Variants in COBLL1 observed in about 807,000 individuals in gnomAD.
COBLL1 encodes the protein cordon-bleu WH2 repeat protein like 1.
Under a neutral mutation model 94.8 loss-of-function variants are expected in COBLL1, and 50 were observed. The observed-to-expected ratio is 0.53, with a 90% CI of 0.42 to 0.67. COBLL1 has a LOEUF of 0.67. Among genes scored for constraint, COBLL1 ranks in the 30% least tolerant of loss-of-function variants. COBLL1 has a pLI of 0.00. For missense variants in COBLL1, 1,362 were observed against 1,348.7 expected, an observed-to-expected ratio of 1.01 and a Z score of -0.15; for synonymous variants, 448 against 473.8, an observed-to-expected ratio of 0.95 and a Z score of 0.71.
intron 3 of COBLL1, among the ~76,000 whole-genome samples, chr2:164,731,753 A>C (rs1014041894): frequency 6.6e-6 from 1 of 152,214 alleles, no homozygotes; most frequent in Non-Finnish European, 1.5e-5. Flanking sequence ...TAGAGATATA[A>C]ACCTGGTTAC....
chr2:164,784,590 T>A (rs916248278), intron 2 of COBLL1, among the ~76,000 whole-genome samples: 2 of 152,048 alleles, frequency 1.3e-5, no homozygotes, highest in Admixed American at 6.6e-5. Flanking sequence ...AATGTGAATT[T>A]CCCTAAGAAG....
chr2:164,750,444 T>C (rs427059), intron 2 of COBLL1, among the ~76,000 whole-genome samples: 16,211 of 152,202 alleles, frequency 0.11, 910 homozygotes, highest in Middle Eastern at 0.16. Context: ...ATCTAAACTC[T>C]AAAACATATC....
intron 7 of COBLL1, among the ~76,000 whole-genome samples, chr2:164,720,544 GC>G (rs1685392261): frequency 6.6e-6 from 1 of 152,058 alleles, no homozygotes; most frequent in African/African-American, 2.4e-5. Context: ...CAAAAAGGTA[GC>G]TACTCAAGAG....
At chr2:164,666,578 A>G (rs1206220006) in intron 1 of COBLL1, among the ~76,000 whole-genome samples, 1 of 151,772 alleles carries the variant, frequency 6.6e-6, no homozygotes, top group African/African-American at 2.4e-5. Flanking sequence ...TGTAGCATGC[A>G]ATGCTGTTTG....
chr2:164,765,431 TGA>T (rs1248398409), intron 2 of COBLL1, among the ~76,000 whole-genome samples: 1 of 152,120 alleles, frequency 6.6e-6, no homozygotes, highest in Non-Finnish European at 1.5e-5. Flanking sequence ...CCATATAGAA[TGA>T]GAGACTTAAG....
chr2:164,760,308 G>A (rs1210181926), intron 2 of COBLL1, among the ~76,000 whole-genome samples: 1 of 152,196 alleles, frequency 6.6e-6, no homozygotes, highest in Admixed American at 6.5e-5. Context: ...GTTACATACT[G>A]TATGGTTCTG....
intron 8 of COBLL1, among the ~76,000 whole-genome samples, chr2:164,704,734 T>C (rs1245299804): frequency 1.3e-5 from 2 of 152,012 alleles, no homozygotes; most frequent in Non-Finnish European, 2.9e-5. Context: ...TCACAGATTA[T>C]GACATGCTCA....
intron 2 of COBLL1, among the ~76,000 whole-genome samples, chr2:164,801,679 C>A (rs1277423124): frequency 6.6e-6 from 1 of 152,024 alleles, no homozygotes; most frequent in East Asian, 1.9e-4. Flanking sequence ...AATTTTACTG[C>A]ATGTTAATTT....
In COBLL1 at chr2:164,694,267, A is replaced by G; in HGVS notation, c.3123+2T>C. ...ACTTATTTTTAAAAAGGCTACAGTT[A>G]CCTTATCAGACACACCAAGCTGTGG... is the stretch of plus-strand genomic sequence containing the variant. On this transcript the variant is annotated splice_donor_variant, in intron 12 of 13. Transcript: ENST00000652658. LOFTEE classifies it high-confidence loss of function. 2 of 1,609,720 alleles carry G rather than the reference A, an allele frequency of 1.2e-6. No homozygotes were observed. Among genetic ancestry groups the G allele is most frequent in the South Asian group, 2.2e-5 (2 of 90,458 alleles).
intron 2 of COBLL1, among the ~76,000 whole-genome samples, chr2:164,836,125 T>A (rs1317973960): frequency 6.6e-6 from 1 of 152,130 alleles, no homozygotes; most frequent in African/African-American, 2.4e-5. Context: ...AATAATTTCA[T>A]TTTTGTTATT....
downstream of COBLL1, among the ~76,000 whole-genome samples, chr2:164,676,733 A>G (rs1292668169): frequency 6.6e-6 from 1 of 151,814 alleles, no homozygotes. Context: ...ATCCCATCAA[A>G]ATCAGACTTG....
intron 13 of COBLL1, among the ~76,000 whole-genome samples, chr2:164,686,403 G>A (rs1683290119): frequency 1.3e-5 from 2 of 152,080 alleles, no homozygotes; most frequent in South Asian, 4.1e-4. Context: ...GAAAGATAAA[G>A]TGAATTCCAC....
intron 3 of COBLL1, among the ~76,000 whole-genome samples, chr2:164,731,311 G>C (rs139534780): frequency 2.0e-5 from 3 of 152,282 alleles, no homozygotes; most frequent in African/African-American, 7.2e-5. Flanking sequence ...ATGAATGAAT[G>C]TTTAATACTA....
At chr2:164,799,940 C>T (rs1018422598) in intron 2 of COBLL1, among the ~76,000 whole-genome samples, 12 of 152,184 alleles carry the variant, frequency 7.9e-5, no homozygotes, top group African/African-American at 2.6e-4. Flanking sequence ...CAAAAATTAA[C>T]TCAAAATGAT....
chr2:164,773,852 A>G, intron 2 of COBLL1: 1 of 612,978 alleles, frequency 1.6e-6, no homozygotes, highest in Admixed American at 5.0e-5. Flanking sequence ...CCTCTGGCAA[A>G]TATGTAAAAG....
At chr2:164,821,587 G>A (rs1685170862) in intron 2 of COBLL1, among the ~76,000 whole-genome samples, 1 of 152,184 alleles carries the variant, frequency 6.6e-6, no homozygotes, top group Admixed American at 6.5e-5. Context: ...CAAGAGGACT[G>A]TCTTACAGGC....
intron 3 of COBLL1, chr2:164,738,309 G>T (rs1187054961): frequency 6.6e-6 from 1 of 152,038 alleles, no homozygotes; most frequent in South Asian, 2.1e-4. Flanking sequence ...GGGAAAAGAG[G>T]AAAAAGGAAC....
At chr2:164,796,181 G>GA (rs947765611) in intron 2 of COBLL1, among the ~76,000 whole-genome samples, 103 of 151,948 alleles carry the variant, frequency 6.8e-4, no homozygotes, top group African/African-American at 2.4e-3. Context: ...TTGATCTCCT[G>GA]AAAAAAAGAG....
Position 164,822,237 on chromosome 2 carries a change from G to T in COBLL1, c.41+18919C>A, listed in dbSNP as rs750000426. 4.7e-4 allele frequency among the ~76,000 whole-genome samples: 71 copies of T among 152,284 alleles called. No individual in the cohort carries two copies. The Middle Eastern group carries it at 0.01, about 22-fold the overall frequency. ...ACCAGTGACCCTTGGACTATTTCCA[G>T]TGTCTCCTAATTGTCACTGTTCATA... is the stretch of plus-strand genomic sequence containing the variant. On this transcript the variant is annotated intron_variant, in intron 2 of 13. Transcript: ENST00000652658.
Sources: allele counts gnomAD v4.1 joint callset (sites outside exome capture counted in the v4.1 genomes callset), GRCh38; gene constraint gnomAD v4.1.1; transcripts MANE v1.5; gene names NCBI Gene and HGNC (gene_info 2026-07-23, HGNC 2026-07-21).